The following PDE4D variants were observed in gnomAD, a reference collection of about 807,000 sequenced individuals.
PDE4D encodes 3',5'-cyclic-AMP phosphodiesterase 4D.
PDE4D carries 24 observed loss-of-function variants against 87.4 expected under a neutral mutation model. That is an observed-to-expected ratio of 0.27 (90% CI 0.20 to 0.39). The LOEUF (loss-of-function observed/expected upper bound fraction) is 0.39. Ranked by LOEUF, PDE4D falls within the 10% of genes least tolerant of loss-of-function variation. The pLI is 1.00. For synonymous variants in PDE4D, 384 were observed against 383.2 expected, an observed-to-expected ratio of 1.00 and a Z score of -0.02; for missense variants, 714 against 1,041.0, an observed-to-expected ratio of 0.69 and a Z score of 4.32.
At chr5:60,427,245 C>T (rs1340815323) in intron 1 of PDE4D, among the ~76,000 whole-genome samples, 2 of 152,112 alleles carry the variant, frequency 1.3e-5, no homozygotes, top group African/African-American at 4.8e-5. Flanking sequence ...AAACCACACC[C>T]AGGCACATTG....
intron 3 of PDE4D, among the ~76,000 whole-genome samples, chr5:59,190,926 C>A (rs1167690281): frequency 1.3e-5 from 2 of 151,970 alleles, no homozygotes; most frequent in African/African-American, 4.8e-5. Flanking sequence ...GATGAAGCCC[C>A]TTAAAAAAAA....
At chr5:60,402,646 T>A (rs1354496566) in intron 1 of PDE4D, among the ~76,000 whole-genome samples, 1 of 152,210 alleles carries the variant, frequency 6.6e-6, no homozygotes, top group African/African-American at 2.4e-5. Flanking sequence ...CAAGCCTTGC[T>A]GCATAAGGGC....
intron 2 of PDE4D, chr5:59,988,837 T>G (rs1460694330): frequency 3.7e-6 from 2 of 536,336 alleles, no homozygotes; most frequent in Non-Finnish European, 6.5e-6. Context: ...TGAAAAATGC[T>G]ATCTAGAAAA....
intron 1 of PDE4D, chr5:59,356,642 T>C (rs1007666898): frequency 2.0e-5 from 15 of 745,400 alleles, no homozygotes; most frequent in Middle Eastern, 2.3e-4. Context: ...ATTTAATATA[T>C]TGTCAATTTA....
intron 2 of PDE4D, among the ~76,000 whole-genome samples, chr5:60,112,818 C>T (rs996702026): frequency 6.6e-6 from 1 of 152,060 alleles, no homozygotes; most frequent in African/African-American, 2.4e-5. Flanking sequence ...AGGAGAATGG[C>T]TCTGGGATCT....
chr5:59,343,221 T>C (rs1428758307), intron 1 of PDE4D, among the ~76,000 whole-genome samples: 2 of 152,136 alleles, frequency 1.3e-5, no homozygotes, highest in African/African-American at 4.8e-5. Context: ...TTACAATACA[T>C]TGTTCTTAAT....
At chr5:59,587,660 T>C in intron 1 of PDE4D, 1 of 971,170 alleles carries the variant, frequency 1.0e-6, no homozygotes, top group Non-Finnish European at 1.2e-6. Context: ...GACTGCTGCC[T>C]GACAGGGGAT....
At chr5:58,989,652 A>G (rs541669539) in intron 10 of PDE4D, 103 bp downstream of exon 10, 5 of 653,866 alleles carry the variant, frequency 7.6e-6, no homozygotes, top group African/African-American at 5.6e-5. Flanking sequence ...TATACTTCCA[A>G]TGAATCCAAT....
At chr5:59,127,600 T>TCCCCCCCCCCCCCCCCCCCCCCCCCCCC (rs1170462233) in intron 5 of PDE4D, among the ~76,000 whole-genome samples, 2 of 97,000 alleles carry the variant, frequency 2.1e-5, no homozygotes, top group African/African-American at 8.1e-5. Context: ...CTTCTTTCCC[T>TCCCCCCCCCCCCCCCCCCCCCCCCCCCC]CCCCACCCCC....
intron 1 of PDE4D, among the ~76,000 whole-genome samples, chr5:59,374,649 T>C (rs1463689273): frequency 6.6e-6 from 1 of 152,172 alleles, no homozygotes; most frequent in Admixed American, 6.5e-5. Flanking sequence ...ATTCAGGACT[T>C]GAACTTAGCA....
intron 5 of PDE4D, among the ~76,000 whole-genome samples, chr5:59,046,419 AAT>A (rs1491327598): frequency 1.8e-4 from 23 of 129,704 alleles, no homozygotes; most frequent in African/African-American, 6.9e-4. Context: ...AGAGAGAGAG[AAT>A]GTGTGTGTGT....
intron 1 of PDE4D, among the ~76,000 whole-genome samples, chr5:59,509,833 A>T (rs1178059363): frequency 6.8e-6 from 1 of 147,882 alleles, no homozygotes; most frequent in Admixed American, 6.8e-5. Flanking sequence ...TAATTATATT[A>T]TAAACTTTAT....
At chr5:59,639,116 A>AT (rs1474048654) in intron 1 of PDE4D, among the ~76,000 whole-genome samples, 1 of 152,116 alleles carries the variant, frequency 6.6e-6, no homozygotes, top group Non-Finnish European at 1.5e-5. Flanking sequence ...TTATTTAATA[A>AT]TTTTTTATAA....
chr5:59,140,819 G>T (rs865934868), intron 5 of PDE4D, among the ~76,000 whole-genome samples: 1 of 152,126 alleles, frequency 6.6e-6, no homozygotes, highest in South Asian at 2.1e-4. Flanking sequence ...ATTCCTTGAC[G>T]TGATTCTGTC....
intron 1 of PDE4D, among the ~76,000 whole-genome samples, chr5:59,278,592 C>T (rs1393160938): frequency 6.6e-6 from 1 of 151,946 alleles, no homozygotes; most frequent in Non-Finnish European, 1.5e-5. Flanking sequence ...AGTCATAACA[C>T]CACCTTCATA....
chr5:59,484,642 G>A (rs1200282680), intron 1 of PDE4D, among the ~76,000 whole-genome samples: 1 of 152,074 alleles, frequency 6.6e-6, no homozygotes, highest in Non-Finnish European at 1.5e-5. Flanking sequence ...CAAAGTTACT[G>A]CACCTTCATT....
intron 1 of PDE4D, among the ~76,000 whole-genome samples, chr5:60,289,235 T>C (rs1219293257): frequency 1.3e-5 from 2 of 152,138 alleles, no homozygotes; most frequent in African/African-American, 4.8e-5. Context: ...AAACACTAAG[T>C]CTAATGTAGG....
chr5:59,549,744 AAC>A (rs1481660556), intron 1 of PDE4D, among the ~76,000 whole-genome samples: 1 of 152,052 alleles, frequency 6.6e-6, no homozygotes, highest in Admixed American at 6.6e-5. Flanking sequence ...TATACACACA[AAC>A]ACACACATGT....
intron 3 of PDE4D, among the ~76,000 whole-genome samples, chr5:59,906,928 G>A (rs1244234994): frequency 1.3e-5 from 2 of 152,056 alleles, no homozygotes; most frequent in Admixed American, 6.6e-5. Flanking sequence ...ACACATGCAC[G>A]TGAATGTTCC....
Sources: allele counts gnomAD v4.1 joint callset (sites outside exome capture counted in the v4.1 genomes callset), GRCh38; gene constraint gnomAD v4.1.1; transcripts MANE v1.5; gene names NCBI Gene and HGNC (gene_info 2026-07-23, HGNC 2026-07-21).